TRMT9B: variants seen among roughly 807,000 people sequenced by gnomAD.
TRMT9B encodes the protein probable tRNA methyltransferase 9B.
A neutral mutation model predicts 11.5 loss-of-function variants in TRMT9B; 16 were observed. The observed-to-expected ratio is 1.39, with a 90% CI of 0.94 to 2.11. TRMT9B has a LOEUF of 2.11. Among genes scored for constraint, TRMT9B ranks in the 30% most tolerant of loss-of-function variants. TRMT9B has a pLI of 0.00. For synonymous variants in TRMT9B, 274 were observed against 192.4 expected (o/e 1.42, Z -3.51); for missense variants, 941 against 553.8 (o/e 1.70, Z -7.02).
chr8:13,008,046 T>C (rs1810828254), intron 3 of TRMT9B, among the ~76,000 whole-genome samples: 1 of 152,222 alleles, frequency 6.6e-6, no homozygotes, highest in Non-Finnish European at 1.5e-5. Context: ...TCATTGTTTT[T>C]AGGGGAAATG....
rs770632493 is a variant in TRMT9B at position 13,026,364 on chromosome 8, C to G, written c.*4320C>G. On this transcript the variant is annotated 3_prime_UTR_variant, in exon 5 of 5. Transcript: ENST00000524591. ...GACACAGTAAGGGGAACATCACACA[C>G]TGGGACCTGTTGTGACCCCGCTGAG... The G allele has an allele frequency of 1.2e-5, 2 of 165,520 alleles. No homozygotes were observed. Among genetic ancestry groups the G allele is most frequent in the South Asian group, 2.1e-4 (1 of 4,776 alleles). 10.3% of individuals were successfully genotyped at this position (165,520 alleles called of 1,614,324 possible).
intron 1 of TRMT9B, among the ~76,000 whole-genome samples, chr8:12,984,167 T>C (rs1805874800): frequency 6.6e-6 from 1 of 152,222 alleles, no homozygotes; most frequent in Non-Finnish European, 1.5e-5. Flanking sequence ...ACCCTCAGGC[T>C]ATGTATATAA....
chr8:13,021,114 A>G lies in TRMT9B; in HGVS notation c.435A>G (p.Glu145=). The change falls in exon 5 of 5, where the codon GAA becomes GAG. Residue 145 remains glutamate (E), a synonymous_variant. Transcript: ENST00000524591. ...GQLMIYVWAM[E]QKNRHFEKQD... ...TGATGATTTACGTTTGGGCAATGGA[A>G]CAAAAGAACCGTCACTTTGAGAAGC... The G allele has an allele frequency of 6.2e-7, 1 of 1,612,618 alleles. No homozygotes were observed. The highest frequency in any genetic ancestry group is 8.5e-7 in the Non-Finnish European group (1 of 1,179,072).
chr8:13,010,563 G>C (rs1585355351), intron 3 of TRMT9B: 1 of 985,178 alleles, frequency 1.0e-6, no homozygotes, highest in Non-Finnish European at 1.2e-6. Flanking sequence ...GAAATGAATA[G>C]GGGCAAATCA....
Position 12,990,840 on chromosome 8 carries a change from T to C in TRMT9B, c.-193T>C. 5.4e-6 allele frequency: 7 copies of C among 1,289,322 alleles called. No homozygotes were observed. Among genetic ancestry groups the C allele is most frequent in the Non-Finnish European group, 7.1e-6 (7 of 988,354 alleles). 79.9% of individuals were successfully genotyped at this position (1,289,322 alleles called of 1,614,324 possible). On this transcript the variant is annotated 5_prime_UTR_variant, in exon 2 of 5. Coordinates refer to ENST00000524591, the MANE Select transcript of TRMT9B (RefSeq NM_020844.3). ...TTTGTTTTCTTCCTGATAGGGCCTG[T>C]GCTTCCTTCAGAGACTCACACAAGA...
intron 3 of TRMT9B, chr8:13,006,773 A>T (rs1810559445): frequency 1.7e-6 from 1 of 589,406 alleles, no homozygotes; most frequent in Admixed American, 4.4e-5. Context: ...GGTTCAACTG[A>T]TTCTCCTGCC....
intron 1 of TRMT9B, among the ~76,000 whole-genome samples, chr8:12,986,342 T>C (rs1360259202): frequency 6.6e-6 from 1 of 152,168 alleles, no homozygotes; most frequent in Non-Finnish European, 1.5e-5. Flanking sequence ...TCTCCACGTG[T>C]TTGTACAGTA....
chr8:12,955,815 C>T (rs1259154240), intron 1 of TRMT9B, among the ~76,000 whole-genome samples: 1 of 152,124 alleles, frequency 6.6e-6, no homozygotes, highest in African/African-American at 2.4e-5. Context: ...GGGAGGGGAC[C>T]TGGCCTGAGC....
At chr8:12,978,799 G>T (rs1174854421) in intron 1 of TRMT9B, among the ~76,000 whole-genome samples, 2 of 152,200 alleles carry the variant, frequency 1.3e-5, no homozygotes, top group Non-Finnish European at 2.9e-5. Context: ...ACTGCATTCA[G>T]TCGCCCAGGT....
chr8:12,956,247 T>C (rs60215594), intron 1 of TRMT9B, among the ~76,000 whole-genome samples: 9 of 152,288 alleles, frequency 5.9e-5, no homozygotes, highest in South Asian at 2.1e-4. Context: ...CTAACACATA[T>C]CTAAAATATA....
At chr8:12,998,050 A>T (rs1397482926) in intron 2 of TRMT9B, among the ~76,000 whole-genome samples, 1 of 152,090 alleles carries the variant, frequency 6.6e-6, no homozygotes, top group East Asian at 1.9e-4. Context: ...GACCATTATG[A>T]AGTGTCTGTT....
chr8:12,959,001 G>T (rs1319677407), intron 1 of TRMT9B, among the ~76,000 whole-genome samples: 1 of 152,132 alleles, frequency 6.6e-6, no homozygotes, highest in Non-Finnish European at 1.5e-5. Flanking sequence ...TAAATGACAA[G>T]TTGATGGGTG....
intron 1 of TRMT9B, among the ~76,000 whole-genome samples, chr8:12,982,529 G>C (rs1031468740): frequency 6.6e-6 from 1 of 152,090 alleles, no homozygotes; most frequent in African/African-American, 2.4e-5. Context: ...GGGTGCAGTG[G>C]CACATGCTTG....
chr8:12,990,937 A>T lies in TRMT9B; in HGVS notation c.-96A>T, dbSNP rs1807227173. The T allele has an allele frequency of 7.8e-7, 1 of 1,289,114 alleles. No homozygotes were observed. The highest frequency in any genetic ancestry group is 2.3e-5 in the Admixed American group (1 of 43,526). 79.9% of individuals were successfully genotyped at this position (1,289,114 alleles called of 1,614,324 possible). On this transcript the variant is annotated 5_prime_UTR_variant, in exon 2 of 5. It introduces an in-frame stop codon into an upstream open reading frame of the 5' UTR. Transcript: ENST00000524591. ...TTTTCATTTACGTTACACATTGAGA[A>T]AGTTATGAGAAGCAACTGTCACTCT...
chr8:12,963,475 C>T (rs1364754846), intron 1 of TRMT9B, among the ~76,000 whole-genome samples: 4 of 151,852 alleles, frequency 2.6e-5, no homozygotes, highest in Non-Finnish European at 4.4e-5. Context: ...ACTGACAGGA[C>T]ACAGTGGCTC....
intron 4 of TRMT9B, among the ~76,000 whole-genome samples, chr8:13,019,006 C>A (rs1046902260): frequency 1.3e-5 from 2 of 152,170 alleles, no homozygotes; most frequent in Non-Finnish European, 2.9e-5. Flanking sequence ...TACTTTGTTT[C>A]ATCTCAGCTG....
intron 1 of TRMT9B, among the ~76,000 whole-genome samples, chr8:12,968,804 C>A (rs1054746363): frequency 1.3e-5 from 2 of 152,150 alleles, no homozygotes; most frequent in Non-Finnish European, 2.9e-5. Flanking sequence ...GGGTAGAGAG[C>A]CATGCTGTTC....
At chr8:13,003,766 G>A (rs575901454) in intron 2 of TRMT9B, among the ~76,000 whole-genome samples, 2 of 151,150 alleles carry the variant, frequency 1.3e-5, no homozygotes, top group South Asian at 2.2e-4. Flanking sequence ...CACTGATGGT[G>A]TGTCCCCACT....
intron 4 of TRMT9B, among the ~76,000 whole-genome samples, chr8:13,019,046 C>T (rs1009348238): frequency 6.6e-6 from 1 of 152,108 alleles, no homozygotes; most frequent in Non-Finnish European, 1.5e-5. Context: ...GCTCAAGTTG[C>T]CCCTCTGCAT....
Sources: gnomAD v4.1 joint callset for allele counts (sites outside exome capture counted in the v4.1 genomes callset) on GRCh38, gnomAD v4.1.1 for gene constraint, MANE v1.5 for transcripts, NCBI Gene and HGNC (gene_info 2026-07-23, HGNC 2026-07-21) for gene names.